The following FSIP2 variants were observed in gnomAD, a reference collection of about 807,000 sequenced individuals.
The protein encoded by FSIP2 is fibrous sheath-interacting protein 2.
A neutral mutation model predicts 510.5 loss-of-function variants in FSIP2; 367 were observed. The ratio of observed to expected loss-of-function variants is 0.72; its 90% CI spans 0.66 to 0.78. The LOEUF is 0.78. FSIP2 is among the 30% of genes least tolerant of loss of function. The pLI, the probability that FSIP2 is intolerant of heterozygous loss-of-function variation, is 0.00. For missense variants in FSIP2, 7,594 were observed against 7,901.7 expected, an observed-to-expected ratio of 0.96 and a Z score of 1.48; for synonymous variants, 2,601 against 2,732.2, an observed-to-expected ratio of 0.95 and a Z score of 1.50.
Position 185,797,434 on chromosome 2 carries a change from C to T in FSIP2, c.10298C>T (p.Ala3433Val). ...TVKEVEAFTF[A>V]DHEMGSNEVH... is the part of the protein sequence containing the mutation. Reference sequence around the variant, plus strand: ...AAGGAAGTTGAAGCCTTTACTTTTGCTGATCATGAAATGGGTTCCAATGAA... The same window carrying T: ...AAGGAAGTTGAAGCCTTTACTTTTGTTGATCATGAAATGGGTTCCAATGAA... The change falls in exon 16 of 23, where the codon GCT becomes GTT. Residue 3433 changes from alanine to valine, a missense_variant. Ala to Val is a moderately conservative substitution (Grantham distance 64, BLOSUM62 0). Coordinates refer to ENST00000424728, the MANE Select transcript of FSIP2 (RefSeq NM_173651.4). 6.5e-7 allele frequency: 1 copy of T among 1,531,698 alleles called. No homozygotes were observed. The highest frequency in any genetic ancestry group is 2.5e-5 in the East Asian group (1 of 40,792). The allele number at this position is 1,531,698 out of a possible 1,614,324, so 94.9% of individuals were successfully genotyped here.
intron 15 of FSIP2, among the ~76,000 whole-genome samples, 177 bp downstream of exon 15, chr2:185,786,465 T>A (rs2105604227): frequency 6.6e-6 from 1 of 152,136 alleles, no homozygotes; most frequent in East Asian, 1.9e-4. Context: ...TATACTTTTC[T>A]GTGGTCCAAA....
intron 9 of FSIP2, among the ~76,000 whole-genome samples, chr2:185,756,690 T>C (rs1314870561): frequency 3.3e-5 from 5 of 151,362 alleles, no homozygotes; most frequent in Non-Finnish European, 7.4e-5. Context: ...TTTTAACTTA[T>C]GTTATGTCAC....
chr2:185,802,434 A>G lies in FSIP2; in HGVS notation c.13128A>G (p.Ser4376=). Residue 4376 remains serine, a synonymous_variant, in exon 17 of 23, where the codon TCA becomes TCG. Transcript: ENST00000424728. The part of the protein sequence containing the change: ...NTDIVDELAT[S]VYRNALKQHG... ...ATATTGTGGATGAACTTGCCACCTCAGTTTATAGAAATGCTTTAAAGCAGC... is the reference window on the plus strand; with the variant it reads ...ATATTGTGGATGAACTTGCCACCTCGGTTTATAGAAATGCTTTAAAGCAGC... 2.6e-6 allele frequency: 4 copies of G among 1,533,924 alleles called. No individual in the cohort carries two copies. The highest frequency in any genetic ancestry group is 3.5e-6 in the Non-Finnish European group (4 of 1,145,476).
chr2:185,768,960 C>T (rs914933090), intron 13 of FSIP2, among the ~76,000 whole-genome samples: 3 of 152,164 alleles, frequency 2.0e-5, no homozygotes, highest in Non-Finnish European at 2.9e-5. Context: ...AGGACATGAT[C>T]TAATTCTTTT....
Position 185,760,994 on chromosome 2 carries a change from C to G in FSIP2, c.1085C>G (p.Thr362Arg), listed in dbSNP as rs1692338529. 7.1e-7 allele frequency: 1 copy of G among 1,411,006 alleles called. No homozygotes were observed. The highest frequency in any genetic ancestry group is 1.5e-5 in the African/African-American group (1 of 67,758). 87.4% of individuals were successfully genotyped at this position (1,411,006 alleles called of 1,614,324 possible). Residue 362 changes from threonine (T) to arginine (R), a missense_variant, in exon 10 of 23, where the codon ACA becomes AGA. Thr to Arg is a moderately conservative substitution (Grantham distance 71, BLOSUM62 -1). Coordinates refer to ENST00000424728, the MANE Select transcript of FSIP2 (RefSeq NM_173651.4). ...CTCTCTCGTTTTCTTTTAGGACATA[C>G]AGCAAATGCTGCTCATCAGCGTCAA... is the stretch of plus-strand genomic sequence containing the variant. ...QNTYKETHGH[T>R]ANAAHQRQNS... is the part of the protein sequence containing the mutation.
At position 185,797,414 on chromosome 2, in the gene FSIP2, A is replaced by G. The variant is rs1020362957; in HGVS notation, c.10278A>G (p.Glu3426=). 3.9e-5 allele frequency: 60 copies of G among 1,531,962 alleles called. No homozygotes were observed. Among genetic ancestry groups the G allele is most frequent in the Middle Eastern group, 1.7e-4 (1 of 5,974 alleles). 94.9% of individuals were successfully genotyped at this position (1,531,962 alleles called of 1,614,324 possible). Residue 3426 remains glutamate, a synonymous_variant, in exon 16 of 23, where the codon GAA becomes GAG. Transcript: ENST00000424728. ...ACCCAAAGATAGAGACTGTGAAGGA[A>G]GTTGAAGCCTTTACTTTTGCTGATC... ...KEYPKIETVK[E]VEAFTFADHE...
rs942361874 is a variant in FSIP2 at position 185,803,796 on chromosome 2, A to G, written c.14490A>G (p.Ile4830Met). 2 of 1,516,694 alleles carry G rather than the reference A, an allele frequency of 1.3e-6. No individual in the cohort carries two copies. The highest frequency in any genetic ancestry group is 1.8e-6 in the Non-Finnish European group (2 of 1,136,060). The allele number at this position is 1,516,694 out of a possible 1,614,324, so 94.0% of individuals were successfully genotyped here. A position where few individuals can be genotyped will look rare whatever the true frequency, so the allele number is the denominator to read the frequency against. Reference sequence around the variant, plus strand: ...TAAGTAATACAGTGATAAAACTGATAAATGAAATTATGTCAATAATTTCAA... The same window carrying G: ...TAAGTAATACAGTGATAAAACTGATGAATGAAATTATGTCAATAATTTCAA... ...SDLSNTVIKL[I>M]NEIMSIISKH... Residue 4830 changes from isoleucine to methionine, a missense_variant, in exon 17 of 23, where the codon ATA (isoleucine) becomes ATG (methionine). By Grantham distance (10) the Ile-to-Met change is conservative. Coordinates refer to ENST00000424728, the MANE Select transcript of FSIP2 (RefSeq NM_173651.4).
intron 19 of FSIP2, among the ~76,000 whole-genome samples, chr2:185,824,173 CA>C (rs1693973506): frequency 1.3e-5 from 2 of 151,676 alleles, no homozygotes; most frequent in African/African-American, 4.8e-5. Context: ...GATGGTTGCA[CA>C]ACACTGCAAA....
At chr2:185,830,625 G>T (rs1477676546) in intron 21 of FSIP2, among the ~76,000 whole-genome samples, 1 of 151,682 alleles carries the variant, frequency 6.6e-6, no homozygotes, top group East Asian at 1.9e-4. Context: ...TAGTTCTTAT[G>T]CTGTATTATT....
At position 185,794,949 on chromosome 2, in the gene FSIP2, T is replaced by G. The variant is rs992225155; in HGVS notation, c.7813T>G (p.Tyr2605Asp). Reference sequence around the variant, plus strand: ...CCCTAGATATGCGATATCACAGGCTTATTCTTATGTCGACAGTCAAAATAT... The same window carrying G: ...CCCTAGATATGCGATATCACAGGCTGATTCTTATGTCGACAGTCAAAATAT... ...NSPRYAISQAYSYVDSQNISV... is the reference protein window; with the variant it reads ...NSPRYAISQADSYVDSQNISV... The change falls in exon 16 of 23, where the codon TAT becomes GAT. Residue 2605 changes from tyrosine (Y) to aspartate (D), a missense_variant. By Grantham distance (160) the Tyr-to-Asp change is radical (BLOSUM62 -3). Transcript: ENST00000424728. 2 of 1,533,714 alleles carry G rather than the reference T, an allele frequency of 1.3e-6. No individual in the cohort carries two copies. Among genetic ancestry groups the G allele is most frequent in the African/African-American group, 2.7e-5 (2 of 72,858 alleles).
chr2:185,751,941 C>G (rs1013209897), intron 7 of FSIP2, among the ~76,000 whole-genome samples: 13 of 148,276 alleles, frequency 8.8e-5, no homozygotes, highest in Non-Finnish European at 1.8e-4. Context: ...CAATACATTG[C>G]TAAGTTTGTC....
At chr2:185,777,870 G>C (rs1405090873) in intron 13 of FSIP2, among the ~76,000 whole-genome samples, 5 of 152,002 alleles carry the variant, frequency 3.3e-5, no homozygotes, top group Non-Finnish European at 5.9e-5. Context: ...AGCCCCATGA[G>C]TTAATTATGT....
At chr2:185,741,562 A>G (rs954333527) in intron 2 of FSIP2, among the ~76,000 whole-genome samples, 7 of 152,204 alleles carry the variant, frequency 4.6e-5, no homozygotes, top group East Asian at 1.9e-4. Context: ...GAAATATTCA[A>G]TCTACTCCTT....
Position 185,806,992 on chromosome 2 carries a change from A to G in FSIP2, c.17686A>G (p.Met5896Val), listed in dbSNP as rs930279208. The change falls in exon 17 of 23, where the codon ATG (methionine) becomes GTG (valine). Residue 5896 changes from methionine to valine, a missense_variant. By Grantham distance (21) the Met-to-Val change is conservative. Transcript: ENST00000424728. ...SADKMPPMHK[M>V]MRKPSSDKIP... ...AGATAAAATGCCACCTATGCATAAA[A>G]TGATGAGAAAACCTTCTTCAGATAA... 1 of 1,606,016 alleles carries G rather than the reference A, an allele frequency of 6.2e-7. No homozygotes were observed. The highest frequency in any genetic ancestry group is 8.5e-7 in the Non-Finnish European group (1 of 1,177,344).
chr2:185,745,225 CAAAT>C (rs1692002099), intron 4 of FSIP2, among the ~76,000 whole-genome samples, 200 bp from the exon 5 acceptor site: 1 of 151,994 alleles, frequency 6.6e-6, no homozygotes, highest in South Asian at 2.1e-4. Flanking sequence ...AATAGGTAGA[CAAAT>C]AAACTGAAAT....
intron 6 of FSIP2, 31 bp downstream of exon 6, chr2:185,746,841 G>T: frequency 2.2e-6 from 3 of 1,394,894 alleles, no homozygotes; most frequent in Non-Finnish European, 2.9e-6. Context: ...AATATTAACA[G>T]AAAAATTGTG....
rs943700756 is a variant in FSIP2 at position 185,795,567 on chromosome 2, C to T, written c.8431C>T (p.Leu2811Phe). The change falls in exon 16 of 23, where the codon CTT becomes TTT. Residue 2811 changes from leucine (L) to phenylalanine (F), a missense_variant. Leu to Phe is a conservative substitution (Grantham distance 22, BLOSUM62 0). Coordinates refer to ENST00000424728, the MANE Select transcript of FSIP2 (RefSeq NM_173651.4). ...ACAGGGGAATATAGGCACAGGATCC[C>T]TTCCTAAACAACAAGCATGTTTTTA... ...LSQGNIGTGS[L>F]PKQQACFYLE... 12 of 1,534,912 alleles carry T rather than the reference C, an allele frequency of 7.8e-6. No homozygotes were observed. In the African/African-American group the frequency reaches 1.6e-4, roughly 21 times the overall value.
At chr2:185,824,594 A>T in intron 20 of FSIP2, 114 bp downstream of exon 20, 1 of 675,246 alleles carries the variant, frequency 1.5e-6, no homozygotes, top group Non-Finnish European at 2.6e-6. Flanking sequence ...GAGTTTATCT[A>T]CTTTTGAAAA....
In FSIP2 at chr2:185,796,986, G is replaced by A. The variant is rs1006882294; in HGVS notation, c.9850G>A (p.Ala3284Thr). 1.3e-6 allele frequency: 2 copies of A among 1,535,042 alleles called. No homozygotes were observed. Among genetic ancestry groups the A allele is most frequent in the Non-Finnish European group, 1.7e-6 (2 of 1,146,208 alleles). ...LRKASDSTEA[A>T]LKQVLSFIEM... ...GAAAGCAAGTGACTCCACAGAAGCA[G>A]CATTAAAGCAAGTCTTGTCATTCAT... The change falls in exon 16 of 23, where the codon GCA (alanine) becomes ACA (threonine). Residue 3284 changes from alanine to threonine, a missense_variant. Physicochemically the swap from Ala to Thr is moderately conservative, Grantham distance 58. Coordinates refer to ENST00000424728, the MANE Select transcript of FSIP2 (RefSeq NM_173651.4).
Sources: gnomAD v4.1 joint callset for allele counts (sites outside exome capture counted in the v4.1 genomes callset) on GRCh38, gnomAD v4.1.1 for gene constraint, MANE v1.5 for transcripts, NCBI Gene and HGNC (gene_info 2026-07-23, HGNC 2026-07-21) for gene names.